ZNF512B: variants seen among roughly 807,000 people sequenced by gnomAD.
ZNF512B encodes zinc finger protein 512B.
ZNF512B carries 22 observed loss-of-function variants against 87.8 expected under a neutral mutation model. That is an observed-to-expected ratio of 0.25 (90% CI 0.18 to 0.36). The LOEUF (loss-of-function observed/expected upper bound fraction) is 0.36. ZNF512B is among the 10% of genes least tolerant of loss of function. The probability of loss-of-function intolerance (pLI) is 1.00; values close to 1 mark genes in which losing one functional copy is unlikely to be tolerated. For synonymous variants in ZNF512B, 524 were observed against 490.9 expected, an observed-to-expected ratio of 1.07 and a Z score of -0.89; for missense variants, 1,060 against 1,231.6, an observed-to-expected ratio of 0.86 and a Z score of 2.09.
At position 63,964,726 on chromosome 20, in the gene ZNF512B, G is replaced by A. The variant is rs1443652175; in HGVS notation, c.1035-10C>T. On this transcript the variant is annotated splice_polypyrimidine_tract_variant and intron_variant, in intron 5 of 16. Transcript: ENST00000369888. ...CAGGCTGTCCGCAGCCCTGCAGGGA[G>A]CAGGTGAGGTGAGGGCCAGGAGGGC... 2.5e-6 allele frequency: 4 copies of A among 1,609,468 alleles called. No individual in the cohort carries two copies. The African/African-American group carries it at 5.3e-5, about 21-fold the overall frequency.
rs914612340 is a variant in ZNF512B, at chr20:63,969,861, G to A, written c.-50C>T. ...GGCCGGGCCGGGCCGGGCCGGGGCG[G>A]GGGGCGCGGGGCGCGGGGCGCTGGG... On this transcript the variant is annotated 5_prime_UTR_variant, in exon 1 of 17. Transcript: ENST00000369888. 3.5e-5 allele frequency: 5 copies of A among 144,204 alleles called. No homozygotes were observed. The East Asian group carries it at 6.1e-4, about 17-fold the overall frequency. The allele number at this position is 144,204 out of a possible 1,614,324, so 8.9% of individuals were successfully genotyped here. A position where few individuals can be genotyped will look rare whatever the true frequency, so the allele number is the denominator to read the frequency against.
chr20:63,969,113 C>A, intron 1 of ZNF512B: 4 of 985,470 alleles, frequency 4.1e-6, no homozygotes, highest in Non-Finnish European at 4.8e-6. Context: ...GGACAAAGTT[C>A]TCTGGAAGTC....
chr20:63,959,843 G>A lies in ZNF512B; in HGVS notation c.*45C>T. The A allele has an allele frequency of 6.6e-7, 1 of 1,521,670 alleles. No individual in the cohort carries two copies. The highest frequency in any genetic ancestry group is 8.7e-7 in the Non-Finnish European group (1 of 1,145,120). The allele number at this position is 1,521,670 out of a possible 1,614,324, so 94.3% of individuals were successfully genotyped here. A position where few individuals can be genotyped will look rare whatever the true frequency, so the allele number is the denominator to read the frequency against. On this transcript the variant is annotated 3_prime_UTR_variant, in exon 17 of 17. Coordinates refer to ENST00000369888, the MANE Select transcript of ZNF512B (RefSeq NM_020713.3). ...CGGAGCTGGCCCTGCCTTGAACAGAGGGCGGTGTGGCGGCTGCATGGGGGC... is the reference window on the plus strand; with the variant it reads ...CGGAGCTGGCCCTGCCTTGAACAGAAGGCGGTGTGGCGGCTGCATGGGGGC...
In ZNF512B at chr20:63,959,929, T is replaced by C. The variant is rs2058830641; in HGVS notation, c.2638A>G (p.Thr880Ala). 1 of 1,605,594 alleles carries C rather than the reference T, an allele frequency of 6.2e-7. No homozygotes were observed. Among genetic ancestry groups the C allele is most frequent in the Admixed American group, 1.7e-5 (1 of 59,248 alleles). Reference sequence around the variant, plus strand: ...TTGCTGACTCCCACCTTCCGGCCGGTGGAGCCCCGGGCCCCCTTGTCTCTG... The same window carrying C: ...TTGCTGACTCCCACCTTCCGGCCGGCGGAGCCCCGGGCCCCCTTGTCTCTG... ...GCRDKGARGS[T>A]GRKVGVSKAP... The change falls in exon 17 of 17, where the codon ACC becomes GCC. Residue 880 changes from threonine (T) to alanine (A), a missense_variant. Physicochemically the swap from Thr to Ala is moderately conservative, Grantham distance 58. Coordinates refer to ENST00000369888, the MANE Select transcript of ZNF512B (RefSeq NM_020713.3).
At position 63,960,088 on chromosome 20, in the gene ZNF512B, A is replaced by AGTC. The variant is rs765658679; in HGVS notation, c.2476_2478dup (p.Asp826dup). On this transcript the variant is annotated inframe_insertion, in exon 17 of 17. Transcript: ENST00000369888. ...TTCTTTTCCTTCTTGGGCACCAATGAGTCCTGGCTCCTGTGTTTGGGAGGT... is the reference window on the plus strand; with the variant it reads ...TTCTTTTCCTTCTTGGGCACCAATGAGTCGTCCTGGCTCCTGTGTTTGGGAGGT... 1 of 1,613,938 alleles carries AGTC rather than the reference A, an allele frequency of 6.2e-7. No individual in the cohort carries two copies. The highest frequency in any genetic ancestry group is 1.1e-5 in the South Asian group (1 of 91,088).
chr20:63,961,445 A>T lies in ZNF512B; in HGVS notation c.2329-38T>A. 1 of 1,587,238 alleles carries T rather than the reference A, an allele frequency of 6.3e-7. No individual in the cohort carries two copies. Among genetic ancestry groups the T allele is most frequent in the Non-Finnish European group, 8.6e-7 (1 of 1,162,762 alleles). On this transcript the variant is annotated intron_variant, in intron 15 of 16. Transcript: ENST00000369888. This position sits in a 1 kb window ranked among gnomAD's most constrained non-coding sequence, Gnocchi z 6.4. ...GGCAGGCCAGTGCCCCAGCCCTTGG[A>T]GGACCCAGATCTGTCCTAAGCCCCT...
In ZNF512B at chr20:63,969,711, G is replaced by A. The variant is rs1434426980; in HGVS notation, c.-3+103C>T. 4.1e-5 allele frequency: 6 copies of A among 145,934 alleles called. No individual in the cohort carries two copies. In the East Asian group the frequency reaches 1.0e-3, roughly 25 times the overall value. The allele number at this position is 145,934 out of a possible 1,614,324, so 9.0% of individuals were successfully genotyped here. The stretch of plus-strand genomic sequence containing the variant: ...GCGCGGCGGGGGGCGGGGGGGCTCC[G>A]GGCCCGGCCCCCTCCTTGGCCTGCG... On this transcript the variant is annotated intron_variant, in intron 1 of 16. Transcript: ENST00000369888.
chr20:63,962,576 G>A lies in ZNF512B; in HGVS notation c.2163+11C>T, dbSNP rs2146886524. ...ACGGCGCTGTCCACAGCCCTGGGGGGGGCAGCTCACCCGTGCGGTCTCGGG... is the reference window on the plus strand; with the variant it reads ...ACGGCGCTGTCCACAGCCCTGGGGGAGGCAGCTCACCCGTGCGGTCTCGGG... On this transcript the variant is annotated intron_variant, in intron 13 of 16. Transcript: ENST00000369888. The A allele has an allele frequency of 6.2e-7, 1 of 1,601,306 alleles. No individual in the cohort carries two copies. The highest frequency in any genetic ancestry group is 2.2e-5 in the East Asian group (1 of 44,620).
intron 14 of ZNF512B, 88 bp from the exon 15 acceptor site, chr20:63,962,092 G>A (rs1393676200): frequency 6.9e-7 from 1 of 1,447,646 alleles, no homozygotes; most frequent in South Asian, 1.2e-5. Context: ...GATCTCTGAG[G>A]CTCTTTGGGG....
At chr20:63,962,208 G>A (rs2058860163) in intron 14 of ZNF512B, 65 bp downstream of exon 14, 7 of 1,505,712 alleles carry the variant, frequency 4.6e-6, no homozygotes, top group Non-Finnish European at 6.3e-6. Flanking sequence ...CCTGCTCAGA[G>A]GGCCACACCC....
chr20:63,968,722 C>T (rs922748641), intron 1 of ZNF512B, among the ~76,000 whole-genome samples: 15 of 152,226 alleles, frequency 9.9e-5, no homozygotes, highest in African/African-American at 3.6e-4. Context: ...TCCTCTCAGT[C>T]CTCTGCCTAC....
In ZNF512B at chr20:63,963,907, G is replaced by A; in HGVS notation, c.1487C>T (p.Pro496Leu). ...APVAHPAPGG[P>L]EEQWQRAIHE... The stretch of plus-strand genomic sequence containing the variant: ...GATGGCCCTCTGCCACTGCTCTTCA[G>A]GGCCACCTGTGGGTAAGGCAGGGGC... The change falls in exon 9 of 17, where the codon CCT becomes CTT. Residue 496 changes from proline to leucine, a missense_variant. Physicochemically the swap from Pro to Leu is moderately conservative, Grantham distance 98 (BLOSUM62 -3). Around this residue, in one of 9 missense-constraint regions of ZNF512B, gnomAD observed 212 missense variants for 207.6 expected, o/e 1.02. Transcript: ENST00000369888. The A allele has an allele frequency of 6.2e-7, 1 of 1,610,380 alleles. No individual in the cohort carries two copies. Among genetic ancestry groups the A allele is most frequent in the Non-Finnish European group, 8.5e-7 (1 of 1,180,004 alleles).
Position 63,963,454 on chromosome 20 carries a change from G to T in ZNF512B, c.1699-14C>A. The T allele has an allele frequency of 6.5e-7, 1 of 1,545,806 alleles. No individual in the cohort carries two copies. The highest frequency in any genetic ancestry group is 8.7e-7 in the Non-Finnish European group (1 of 1,149,794). ...GGCGTCAGAGGGCTGGGGACAGGGT[G>T]AGCATCGGTGACCCGGCACCATCGC... On this transcript the variant is annotated splice_polypyrimidine_tract_variant and intron_variant, in intron 10 of 16. Coordinates refer to ENST00000369888, the MANE Select transcript of ZNF512B (RefSeq NM_020713.3).
chr20:63,963,350 G>A lies in ZNF512B; in HGVS notation c.1789C>T (p.Pro597Ser). 1.9e-6 allele frequency: 3 copies of A among 1,542,020 alleles called. No homozygotes were observed. Among genetic ancestry groups the A allele is most frequent in the South Asian group, 1.2e-5 (1 of 84,266 alleles). Reference sequence around the variant, plus strand: ...CGCGGCCCCCCACTGACCTCCTGGGGGCAGCGCAGCCGTCCCATCTGCTTC... The same window carrying A: ...CGCGGCCCCCCACTGACCTCCTGGGAGCAGCGCAGCCGTCCCATCTGCTTC... Reference protein sequence around the residue: ...VLKQMGRLRCPQEGCGAAFSS... With the variant: ...VLKQMGRLRCSQEGCGAAFSS... The change falls in exon 11 of 17, where the codon CCC (proline) becomes TCC (serine). Residue 597 changes from proline (P) to serine (S), a missense_variant. Transcript: ENST00000369888.
In ZNF512B at chr20:63,959,665, C is replaced by T; in HGVS notation, c.*223G>A. ...AACCCTCCTGGCTATTGCACTTCTGCTGGGCACACCTTGGGGAGCCCCAAC... is the reference window on the plus strand; with the variant it reads ...AACCCTCCTGGCTATTGCACTTCTGTTGGGCACACCTTGGGGAGCCCCAAC... On this transcript the variant is annotated 3_prime_UTR_variant, in exon 17 of 17. Coordinates refer to ENST00000369888, the MANE Select transcript of ZNF512B (RefSeq NM_020713.3). The T allele has an allele frequency of 1.6e-6, 1 of 609,162 alleles. No individual in the cohort carries two copies. Among genetic ancestry groups the T allele is most frequent in the East Asian group, 3.0e-5 (1 of 33,388 alleles). The allele number at this position is 609,162 out of a possible 1,614,324, so 37.7% of individuals were successfully genotyped here.
chr20:63,959,994 G>A lies in ZNF512B; in HGVS notation c.2573C>T (p.Ala858Val). 1 of 1,613,098 alleles carries A rather than the reference G, an allele frequency of 6.2e-7. No individual in the cohort carries two copies. The highest frequency in any genetic ancestry group is 2.2e-5 in the East Asian group (1 of 44,894). Residue 858 changes from alanine (A) to valine (V), a missense_variant, in exon 17 of 17, where the codon GCC (alanine) becomes GTC (valine). Ala to Val is a moderately conservative substitution (Grantham distance 64, BLOSUM62 0). Coordinates refer to ENST00000369888, the MANE Select transcript of ZNF512B (RefSeq NM_020713.3). ...PKERTPEEPV[A>V]KLPPRRDDWP... The stretch of plus-strand genomic sequence containing the variant: ...GTCGTCCCGGCGCGGGGGCAGCTTG[G>A]CCACAGGCTCCTCTGGGGTCCGCTC...
Position 63,961,314 on chromosome 20 carries a change from C to T in ZNF512B, c.2422G>A (p.Ala808Thr), listed in dbSNP as rs201485362. 410 of 1,612,126 alleles carry T rather than the reference C, an allele frequency of 2.5e-4. No individual in the cohort carries two copies. The highest frequency in any genetic ancestry group is 3.1e-4 in the Non-Finnish European group (370 of 1,179,924). ...GVKYHILKTH[A>T]ENWFRTSADP... is the part of the protein sequence containing the mutation. ...CCTGGTGATGGCCCTCGCACCTCTG[C>T]GTGGGTCTTCAGGATGTGGTATTTG... Residue 808 changes from alanine (A) to threonine (T), a missense_variant, in exon 16 of 17, where the codon GCA becomes ACA. This residue lies in a region of ZNF512B where 253 missense variants were observed against 259.2 expected (regional missense o/e 0.98). Transcript: ENST00000369888. The surrounding 1 kb of genome is among the most constrained non-coding windows in gnomAD (Gnocchi z 6.4).
Position 63,961,798 on chromosome 20 carries a change from C to G in ZNF512B, c.2328+144G>C, listed in dbSNP as rs977027688. 6.2e-5 allele frequency: 53 copies of G among 851,500 alleles called. No homozygotes were observed. The highest frequency in any genetic ancestry group is 9.2e-5 in the Non-Finnish European group (50 of 541,618). The allele number at this position is 851,500 out of a possible 1,614,324, so 52.7% of individuals were successfully genotyped here. On this transcript the variant is annotated intron_variant, in intron 15 of 16. Transcript: ENST00000369888. The surrounding 1 kb of genome is among the most constrained non-coding windows in gnomAD (Gnocchi z 6.4). Reference sequence around the variant, plus strand: ...GGCTGGCCATCAGCCACCGGCCAGTCTCTGGGTTCGTGGAAGAGGAGGCCA... The same window carrying G: ...GGCTGGCCATCAGCCACCGGCCAGTGTCTGGGTTCGTGGAAGAGGAGGCCA...
rs73147088 is a variant in ZNF512B, at chr20:63,961,733, G to A, written c.2328+209C>T. ...AGCTCCAAGGACAGGACTAGGACTC[G>A]TTGTCTTGTGGCTGGGGTTGGGGCG... On this transcript the variant is annotated intron_variant, in intron 15 of 16. Coordinates refer to ENST00000369888, the MANE Select transcript of ZNF512B (RefSeq NM_020713.3). The surrounding 1 kb of genome is among the most constrained non-coding windows in gnomAD (Gnocchi z 6.4). 0.15 allele frequency among the ~76,000 whole-genome samples: 22,158 copies of A among 152,150 alleles called. 2,124 individuals carry two copies. Among genetic ancestry groups the A allele is most frequent in the Non-Finnish European group, 0.21 (14,040 of 67,988 alleles).
Sources: allele counts gnomAD v4.1 joint callset (sites outside exome capture counted in the v4.1 genomes callset), GRCh38; gene constraint gnomAD v4.1.1; regional missense constraint gnomAD v4.1.1; non-coding constraint Gnocchi (gnomAD v3.1); transcripts MANE v1.5; gene names NCBI Gene and HGNC (gene_info 2026-07-23, HGNC 2026-07-21).